VRK2: variants seen among roughly 807,000 people sequenced by gnomAD.
VRK2 encodes the protein VRK serine/threonine kinase 2, also known as serine/threonine-protein kinase VRK2.
A neutral mutation model predicts 57.6 loss-of-function variants in VRK2; 60 were observed. That is an observed-to-expected ratio of 1.04 (90% CI 0.85 to 1.29). VRK2 has a LOEUF of 1.29. VRK2 is among the 50% of genes most tolerant of loss of function. The pLI, the probability that VRK2 is intolerant of heterozygous loss-of-function variation, is 0.00. For missense variants in VRK2, 705 were observed against 588.1 expected (o/e 1.20, Z -2.06); for synonymous variants, 231 against 199.2 (o/e 1.16, Z -1.35).
At chr2:57,918,347 C>T (rs1264944814) in intron 1 of VRK2, among the ~76,000 whole-genome samples, 3 of 74,058 alleles carry the variant, frequency 4.1e-5, no homozygotes, top group African/African-American at 1.6e-4. Context: ...CTTTTCATTT[C>T]ATTTTTTTTG....
chr2:58,069,604 A>G (rs981588790), intron 2 of VRK2, among the ~76,000 whole-genome samples: 1 of 151,986 alleles, frequency 6.6e-6, no homozygotes, highest in Non-Finnish European at 1.5e-5. Context: ...TGGGACCACA[A>G]CTCATTTGAT....
At chr2:57,940,330 A>C (rs1671051971) in intron 1 of VRK2, among the ~76,000 whole-genome samples, 1 of 152,126 alleles carries the variant, frequency 6.6e-6, no homozygotes, top group Non-Finnish European at 1.5e-5. Flanking sequence ...AGGCAAGAAG[A>C]GAATGAGTTC....
At chr2:58,118,058 G>A (rs1250255029) in intron 7 of VRK2, among the ~76,000 whole-genome samples, 1 of 152,122 alleles carries the variant, frequency 6.6e-6, no homozygotes, top group Non-Finnish European at 1.5e-5. Context: ...GGGACTTGCT[G>A]CTAAGGGTGA....
intron 1 of VRK2, chr2:58,047,328 C>T (rs572004311): frequency 1.4e-6 from 1 of 722,646 alleles, no homozygotes; most frequent in East Asian, 1.3e-4. Context: ...CCCCTGGGTA[C>T]CAGTTTGCTC....
At chr2:58,087,285 T>A (rs1477166807) in intron 5 of VRK2, among the ~76,000 whole-genome samples, 1 of 152,122 alleles carries the variant, frequency 6.6e-6, no homozygotes, top group Non-Finnish European at 1.5e-5. Context: ...GCTTTAAATT[T>A]AAAAAAATGA....
chr2:57,958,437 GTATATATATTTGTA>G (rs1265320417), intron 1 of VRK2, among the ~76,000 whole-genome samples: 2 of 143,286 alleles, frequency 1.4e-5, no homozygotes, highest in East Asian at 2.0e-4. Flanking sequence ...GTATATACAT[GTATATATATTTGTA>G]TATATATACA....
At chr2:57,922,617 T>C (rs1670389914) in intron 1 of VRK2, among the ~76,000 whole-genome samples, 1 of 151,870 alleles carries the variant, frequency 6.6e-6, no homozygotes, top group East Asian at 1.9e-4. Context: ...TTAATTTTTG[T>C]GGGTACATAG....
At chr2:58,148,850 T>C (rs77676988) in intron 12 of VRK2, among the ~76,000 whole-genome samples, 10,394 of 151,892 alleles carry the variant, frequency 0.068, 425 homozygotes, top group Middle Eastern at 0.1. Flanking sequence ...TTTTCTTCTA[T>C]TCTACTTGTC....
At chr2:58,113,339 C>T (rs374525995) in intron 7 of VRK2, among the ~76,000 whole-genome samples, 13 of 150,748 alleles carry the variant, frequency 8.6e-5, no homozygotes, top group South Asian at 6.3e-4. Flanking sequence ...AAGACAGTTG[C>T]GTTTCTTCTG....
rs546973405 is a variant in VRK2, at chr2:58,053,045, C to A, written c.136+4078C>A. 4.3e-4 allele frequency among the ~76,000 whole-genome samples: 65 copies of A among 152,246 alleles called. No individual in the cohort carries two copies. In the South Asian group the frequency reaches 9.1e-3, roughly 21 times the overall value. On this transcript the variant is annotated intron_variant, in intron 2 of 12. Coordinates refer to ENST00000340157, the MANE Select transcript of VRK2 (RefSeq NM_006296.7). ...GAGTGTCAAGCACAGAATAGATGTT[C>A]AACAGTTATTTGCCTGAGAAATTGA...
chr2:57,927,947 T>A (rs1221847908), intron 1 of VRK2, among the ~76,000 whole-genome samples: 1 of 152,206 alleles, frequency 6.6e-6, no homozygotes, highest in African/African-American at 2.4e-5. Context: ...TTTGTTTATT[T>A]TCTCTTGCTT....
chr2:57,986,353 C>T (rs955665813), intron 1 of VRK2, among the ~76,000 whole-genome samples: 2 of 151,966 alleles, frequency 1.3e-5, no homozygotes, highest in African/African-American at 4.8e-5. Flanking sequence ...AGATTTTGGA[C>T]TCAATATAGA....
At chr2:57,916,767 A>T (rs1470777536) in intron 1 of VRK2, among the ~76,000 whole-genome samples, 2 of 152,190 alleles carry the variant, frequency 1.3e-5, no homozygotes, top group Non-Finnish European at 2.9e-5. Flanking sequence ...AAAGCCATTT[A>T]CAGAAGTGTG....
chr2:57,999,376 A>G (rs775765457), intron 1 of VRK2, among the ~76,000 whole-genome samples: 1 of 152,162 alleles, frequency 6.6e-6, no homozygotes, highest in Non-Finnish European at 1.5e-5. Flanking sequence ...ATACATATCA[A>G]AAACTGTAAA....
chr2:57,964,838 C>T (rs1671864864), intron 1 of VRK2, among the ~76,000 whole-genome samples: 1 of 140,380 alleles, frequency 7.1e-6, no homozygotes, highest in African/African-American at 2.7e-5. Context: ...CAATATTGCA[C>T]CACTGCACTC....
At chr2:57,911,164 T>C (rs560954005) in intron 1 of VRK2, among the ~76,000 whole-genome samples, 3 of 152,122 alleles carry the variant, frequency 2.0e-5, no homozygotes, top group Admixed American at 2.0e-4. Context: ...CACCAGTTAC[T>C]TCATGGTAAT....
In VRK2 at chr2:58,159,493, A is replaced by C. The variant is rs138006413; in HGVS notation, c.1327A>C (p.Lys443Gln). The change falls in exon 13 of 13, where the codon AAG becomes CAG. Residue 443 changes from lysine to glutamine, a missense_variant. Physicochemically the swap from Lys to Gln is moderately conservative, Grantham distance 53 (BLOSUM62 1). Transcript: ENST00000340157. Reference protein sequence around the residue: ...HQDFTSPDIFKKSRSPSWYKY... With the variant: ...HQDFTSPDIFQKSRSPSWYKY... ...AGATTTTACCAGTCCAGATATATTC[A>C]AGAAGTCAAGATCTCCATCTTGGTA... 3.2e-5 allele frequency: 52 copies of C among 1,613,720 alleles called. No individual in the cohort carries two copies. The African/African-American group carries it at 6.0e-4, about 19-fold the overall frequency.
Position 58,146,614 on chromosome 2 carries a change from A to G in VRK2, c.1182+140A>G, listed in dbSNP as rs973488128. The G allele has an allele frequency of 1.0e-5, 10 of 991,842 alleles. No individual in the cohort carries two copies. In the Admixed American group the frequency reaches 3.1e-4, roughly 31 times the overall value. The allele number at this position is 991,842 out of a possible 1,614,324, so 61.4% of individuals were successfully genotyped here. A position where few individuals can be genotyped will look rare whatever the true frequency, so the allele number is the denominator to read the frequency against. On this transcript the variant is annotated intron_variant, in intron 12 of 12. Coordinates refer to ENST00000340157, the MANE Select transcript of VRK2 (RefSeq NM_006296.7). ...AATGAGAAGGGACAGAAAATATCCTAGCCAGCTGATAAAATTAAAGCGGCC... is the reference window on the plus strand; with the variant it reads ...AATGAGAAGGGACAGAAAATATCCTGGCCAGCTGATAAAATTAAAGCGGCC...
intron 1 of VRK2, among the ~76,000 whole-genome samples, chr2:57,981,466 A>G (rs969731665): frequency 1.3e-5 from 2 of 151,970 alleles, no homozygotes; most frequent in Non-Finnish European, 2.9e-5. Context: ...TGCCTTTAAG[A>G]TTTTTTTATT....
Sources: gnomAD v4.1 joint callset for allele counts (sites outside exome capture counted in the v4.1 genomes callset) on GRCh38, gnomAD v4.1.1 for gene constraint, MANE v1.5 for transcripts, NCBI Gene and HGNC (gene_info 2026-07-23, HGNC 2026-07-21) for gene names.